PHACTR3: variants seen among roughly 807,000 people sequenced by gnomAD.
The protein encoded by PHACTR3 is phosphatase and actin regulator 3.
In PHACTR3, 16 loss-of-function variants were observed where a neutral mutation model predicts 66.8. The ratio of observed to expected loss-of-function variants is 0.24; its 90% confidence interval spans 0.16 to 0.36. PHACTR3 has a LOEUF of 0.36. Among genes scored for constraint, PHACTR3 ranks in the 10% least tolerant of loss-of-function variants. The pLI is 1.00. For missense variants in PHACTR3, 647 were observed against 719.9 expected (o/e 0.90, Z 1.16); for synonymous variants, 323 against 292.1 (o/e 1.11, Z -1.08).
At chr20:59,847,091 C>A (rs920805368) in intron 12 of PHACTR3, 24 bp from the exon 13 acceptor site, 4 of 1,479,606 alleles carry the variant, frequency 2.7e-6, no homozygotes, top group Non-Finnish European at 2.8e-6. Flanking sequence ...ACCTTAAATT[C>A]TTTGTCTTTT....
chr20:59,743,362 C>T, intron 2 of PHACTR3, 94 bp downstream of exon 2: 2 of 1,474,262 alleles, frequency 1.4e-6, no homozygotes, highest in Admixed American at 3.9e-5. Context: ...ACTTCCTGGC[C>T]CCTACACAGG....
chr20:59,600,926 A>G (rs1301528376), upstream of PHACTR3, among the ~76,000 whole-genome samples: 1 of 149,852 alleles, frequency 6.7e-6, no homozygotes, highest in African/African-American at 2.5e-5. Context: ...TTCAAAGCTC[A>G]GCCTAGTGCC....
chr20:59,757,833 G>T lies in PHACTR3; in HGVS notation c.541+2469G>T, dbSNP rs192915751. Among the ~76,000 whole-genome samples, 147 of 152,282 alleles carry T rather than the reference G, an allele frequency of 9.7e-4. 1 individual carries two copies. Among genetic ancestry groups the T allele is most frequent in the Non-Finnish European group, 1.5e-3 (99 of 68,028 alleles). ...TTTTTGGTTTTAATTAGCTGAGTGT[G>T]TGGGCACACACCTGTAGTCCTAGCT... On this transcript the variant is annotated intron_variant, in intron 4 of 12. Coordinates refer to ENST00000371015, the MANE Select transcript of PHACTR3 (RefSeq NM_080672.5).
intron 5 of PHACTR3, among the ~76,000 whole-genome samples, chr20:59,769,467 G>C (rs1260526453): frequency 6.6e-6 from 1 of 152,166 alleles, no homozygotes; most frequent in Non-Finnish European, 1.5e-5. Context: ...GGCCTGGGAC[G>C]GCATCTCCCT....
At chr20:59,713,341 G>A (rs978514446) in intron 1 of PHACTR3, among the ~76,000 whole-genome samples, 1 of 152,286 alleles carries the variant, frequency 6.6e-6, no homozygotes, top group Non-Finnish European at 1.5e-5. Context: ...CAATAGACAC[G>A]TTTCTTTTAA....
At chr20:59,594,067 G>A (rs370272325) in intron 1 of PHACTR3, among the ~76,000 whole-genome samples, 7 of 152,118 alleles carry the variant, frequency 4.6e-5, no homozygotes, top group African/African-American at 1.4e-4. Flanking sequence ...TTGAATTTAC[G>A]GGTCAAATAG....
intron 1 of PHACTR3, chr20:59,626,381 G>C (rs538305364): frequency 3.3e-5 from 5 of 152,624 alleles, no homozygotes; most frequent in African/African-American, 1.2e-4. Flanking sequence ...GAATGAGACT[G>C]GCAGGGAGGA....
At chr20:59,580,252 G>A (rs73138883) in intron 1 of PHACTR3, among the ~76,000 whole-genome samples, 12,028 of 152,178 alleles carry the variant, frequency 0.079, 554 homozygotes, top group South Asian at 0.13. Flanking sequence ...CGGCACCCAA[G>A]GAAGAACCAG....
Position 59,755,192 on chromosome 20 carries a change from C to T in PHACTR3, c.369C>T (p.Ser123=), listed in dbSNP as rs1314750036. The change falls in exon 4 of 13, where the codon AGC becomes AGT. Residue 123 remains serine (S), a synonymous_variant. Coordinates refer to ENST00000371015, the MANE Select transcript of PHACTR3 (RefSeq NM_080672.5). The part of the protein sequence containing the change: ...LLEMMEQDAE[S]KTCNPDGGPR... ...TACATTTCCTTGTAGATGCTGAAAGCAAAACTTGCAACCCCGATGGAGGAC... is the reference window on the plus strand; with the variant it reads ...TACATTTCCTTGTAGATGCTGAAAGTAAAACTTGCAACCCCGATGGAGGAC... 6.2e-7 allele frequency: 1 copy of T among 1,612,316 alleles called. No homozygotes were observed. The highest frequency in any genetic ancestry group is 1.7e-5 in the Admixed American group (1 of 59,942).
chr20:59,598,209 G>A (rs543204866), intron 1 of PHACTR3, among the ~76,000 whole-genome samples: 2 of 152,354 alleles, frequency 1.3e-5, no homozygotes, highest in South Asian at 4.1e-4. Flanking sequence ...CTGCCTCATA[G>A]ATAGGCCCCT....
intron 8 of PHACTR3, among the ~76,000 whole-genome samples, chr20:59,813,057 C>A (rs980349447): frequency 4.6e-5 from 7 of 152,180 alleles, no homozygotes; most frequent in African/African-American, 1.7e-4. Flanking sequence ...TAGCTAAAGG[C>A]CAGTTTCCGG....
intron 1 of PHACTR3, among the ~76,000 whole-genome samples, chr20:59,636,872 G>A (rs2034917875): frequency 6.6e-6 from 1 of 152,218 alleles, no homozygotes; most frequent in African/African-American, 2.4e-5. Flanking sequence ...TGTTTATTCT[G>A]TTAATGTGTT....
intron 1 of PHACTR3, among the ~76,000 whole-genome samples, chr20:59,613,920 G>A (rs1033120846): frequency 3.9e-5 from 6 of 152,188 alleles, no homozygotes; most frequent in Non-Finnish European, 7.3e-5. Flanking sequence ...CCAATCATCT[G>A]GTCAGCGATC....
At chr20:59,662,970 C>T (rs74478235) in intron 1 of PHACTR3, among the ~76,000 whole-genome samples, 4,485 of 152,324 alleles carry the variant, frequency 0.029, 85 homozygotes, top group South Asian at 0.093. Flanking sequence ...CACGGCTCTG[C>T]AGGCCAGAGG....
intron 1 of PHACTR3, among the ~76,000 whole-genome samples, chr20:59,635,173 T>TC: frequency 9.1e-4 from 46 of 50,828 alleles, no homozygotes; most frequent in African/African-American, 1.5e-3. Context: ...TTCTTTCCTT[T>TC]CTTTCTTTCT....
chr20:59,588,709 A>C (rs545684339), intron 1 of PHACTR3, among the ~76,000 whole-genome samples: 1 of 142,810 alleles, frequency 7.0e-6, no homozygotes, highest in Non-Finnish European at 1.5e-5. Context: ...TTGCCCTACC[A>C]CCTCCCACCC....
At chr20:59,742,751 G>C (rs1031234308) in intron 1 of PHACTR3, among the ~76,000 whole-genome samples, 5 of 152,228 alleles carry the variant, frequency 3.3e-5, no homozygotes, top group Admixed American at 6.5e-5. Context: ...CAGAGAAGCG[G>C]CTGGGAGGGA....
intron 1 of PHACTR3, among the ~76,000 whole-genome samples, chr20:59,668,707 T>C (rs899164203): frequency 1.6e-4 from 24 of 151,234 alleles, no homozygotes; most frequent in Non-Finnish European, 3.3e-4. Flanking sequence ...TAAAAAATTA[T>C]TACTTACTTA....
At chr20:59,814,675 A>T (rs984382581) in intron 8 of PHACTR3, among the ~76,000 whole-genome samples, 1 of 152,078 alleles carries the variant, frequency 6.6e-6, no homozygotes, top group Non-Finnish European at 1.5e-5. Flanking sequence ...AGTTTCACAC[A>T]CTTGGACAGA....
Sources: allele counts gnomAD v4.1 joint callset (sites outside exome capture counted in the v4.1 genomes callset), GRCh38; gene constraint gnomAD v4.1.1; transcripts MANE v1.5; gene names NCBI Gene and HGNC (gene_info 2026-07-23, HGNC 2026-07-21).